CCDC178: variants seen among roughly 807,000 people sequenced by gnomAD.
The protein encoded by CCDC178 is coiled-coil domain containing 178.
In CCDC178, 126 loss-of-function variants were observed where a neutral mutation model predicts 117.4. The observed-to-expected ratio is 1.07, with a 90% CI of 0.93 to 1.24. The LOEUF (loss-of-function observed/expected upper bound fraction) is 1.24. Among genes scored for constraint, CCDC178 ranks in the 50% most tolerant of loss-of-function variants. CCDC178 has a pLI of 0.00. For missense variants in CCDC178, 1,030 were observed against 986.9 expected, an observed-to-expected ratio of 1.04 and a Z score of -0.59; for synonymous variants, 283 against 313.4, an observed-to-expected ratio of 0.90 and a Z score of 1.02.
chr18:32,997,236 G>C (rs1042916766), intron 21 of CCDC178, among the ~76,000 whole-genome samples: 1 of 152,070 alleles, frequency 6.6e-6, no homozygotes, highest in Non-Finnish European at 1.5e-5. Context: ...GCTACACCAT[G>C]GTACCCAAAT....
chr18:33,173,842 A>G (rs2058633098), intron 20 of CCDC178, among the ~76,000 whole-genome samples: 1 of 152,114 alleles, frequency 6.6e-6, no homozygotes, highest in Non-Finnish European at 1.5e-5. Flanking sequence ...TGTATTCTCG[A>G]GTTTTACAGT....
At chr18:33,413,806 T>C (rs2063892757) in intron 2 of CCDC178, among the ~76,000 whole-genome samples, 1 of 152,166 alleles carries the variant, frequency 6.6e-6, no homozygotes, top group South Asian at 2.1e-4. Context: ...CTGCCAAATG[T>C]AGGTGCCCTG....
At chr18:33,102,158 A>T (rs1371447934) in intron 20 of CCDC178, among the ~76,000 whole-genome samples, 2 of 151,754 alleles carry the variant, frequency 1.3e-5, no homozygotes, top group South Asian at 2.1e-4. Flanking sequence ...ATTTAAAAAA[A>T]TTTTTCTACA....
At chr18:33,360,906 A>T (rs1313951787) in intron 6 of CCDC178, among the ~76,000 whole-genome samples, 2 of 151,752 alleles carry the variant, frequency 1.3e-5, no homozygotes, top group Non-Finnish European at 3.0e-5. Context: ...TTGCTAAAAT[A>T]ATCCTAGTAC....
chr18:32,942,824 T>C (rs2054269694), intron 22 of CCDC178, among the ~76,000 whole-genome samples: 1 of 152,194 alleles, frequency 6.6e-6, no homozygotes, highest in South Asian at 2.1e-4. Context: ...CTATGCATAC[T>C]GATCATACCT....
intron 21 of CCDC178, among the ~76,000 whole-genome samples, chr18:33,057,558 C>T (rs2056850993): frequency 6.6e-6 from 1 of 152,098 alleles, no homozygotes; most frequent in African/African-American, 2.4e-5. Context: ...ATGGCGCGAT[C>T]TGGGCTCACT....
chr18:33,069,212 G>A (rs907791582), intron 21 of CCDC178, among the ~76,000 whole-genome samples: 5 of 152,030 alleles, frequency 3.3e-5, no homozygotes, highest in African/African-American at 1.2e-4. Context: ...AAAAAAGGCT[G>A]AATAGCCAAA....
chr18:32,998,225 A>G (rs28544345), intron 21 of CCDC178, among the ~76,000 whole-genome samples: 15,737 of 152,118 alleles, frequency 0.1, 1,108 homozygotes, highest in African/African-American at 0.19. Context: ...CCTATTGCAG[A>G]GGAATGCAAT....
chr18:33,137,116 T>A (rs2058137734), intron 20 of CCDC178, among the ~76,000 whole-genome samples: 1 of 152,176 alleles, frequency 6.6e-6, no homozygotes, highest in African/African-American at 2.4e-5. Context: ...GAGATCAATC[T>A]GGAAGTTTGA....
intron 20 of CCDC178, among the ~76,000 whole-genome samples, chr18:33,209,052 C>A (rs920245926): frequency 1.3e-5 from 2 of 151,990 alleles, no homozygotes; most frequent in Non-Finnish European, 2.9e-5. Context: ...CAAATTATAT[C>A]ATATATAACC....
intron 14 of CCDC178, among the ~76,000 whole-genome samples, chr18:33,249,943 T>C (rs1221194120): frequency 2.6e-5 from 4 of 152,020 alleles, no homozygotes; most frequent in African/African-American, 4.8e-5. Context: ...TTTTATTTCA[T>C]TGAGCAGTGG....
chr18:33,314,449 C>T (rs563518472), intron 11 of CCDC178, among the ~76,000 whole-genome samples: 2 of 152,024 alleles, frequency 1.3e-5, no homozygotes, highest in African/African-American at 4.8e-5. Context: ...ACTCATCGCT[C>T]ATGGATTTTG....
intron 22 of CCDC178, chr18:32,958,063 T>G (rs1216533690): frequency 5.8e-6 from 2 of 347,818 alleles, no homozygotes; most frequent in East Asian, 8.1e-5. Context: ...ATTGAACTAC[T>G]GAGCCAAGTC....
intron 7 of CCDC178, among the ~76,000 whole-genome samples, chr18:33,349,444 A>G (rs1009280219): frequency 1.3e-5 from 2 of 151,936 alleles, no homozygotes; most frequent in African/African-American, 4.8e-5. Flanking sequence ...ATACTGTTGG[A>G]AAGTACAAAT....
chr18:33,089,226 G>C (rs995113285), intron 21 of CCDC178, among the ~76,000 whole-genome samples: 1 of 151,910 alleles, frequency 6.6e-6, no homozygotes, highest in African/African-American at 2.4e-5. Context: ...TACATAACCT[G>C]ATTAGCCATG....
At chr18:33,202,760 T>A (rs569018982) in intron 20 of CCDC178, among the ~76,000 whole-genome samples, 67 of 152,326 alleles carry the variant, frequency 4.4e-4, no homozygotes, top group African/African-American at 1.5e-3. Flanking sequence ...CACATTACAC[T>A]CCACAAAAAG....
intron 21 of CCDC178, among the ~76,000 whole-genome samples, chr18:33,052,481 A>G (rs535204583): frequency 6.6e-6 from 1 of 152,320 alleles, no homozygotes; most frequent in African/African-American, 2.4e-5. Context: ...ATGCAAAGAG[A>G]GTCTCTTGTT....
At chr18:33,240,895 C>CA (rs2059479534) in intron 15 of CCDC178, among the ~76,000 whole-genome samples, 2 of 151,510 alleles carry the variant, frequency 1.3e-5, no homozygotes, top group Non-Finnish European at 3.0e-5. Context: ...ATGAGGAAAA[C>CA]AAAAAATTAA....
chr18:33,233,583 G>T (rs1427077786), intron 15 of CCDC178, among the ~76,000 whole-genome samples: 1 of 147,548 alleles, frequency 6.8e-6, no homozygotes, highest in Non-Finnish European at 1.5e-5. Context: ...GTTAAAGATT[G>T]TTTTTTTTTT....
Sources: gnomAD v4.1 joint callset for allele counts (sites outside exome capture counted in the v4.1 genomes callset) on GRCh38, gnomAD v4.1.1 for gene constraint, MANE v1.5 for transcripts, NCBI Gene and HGNC (gene_info 2026-07-23, HGNC 2026-07-21) for gene names.